The following GRIA1 variants were observed in gnomAD, a reference collection of about 807,000 sequenced individuals.
GRIA1 encodes the protein glutamate receptor 1.
In GRIA1, 31 loss-of-function variants were observed where a neutral mutation model predicts 99.2. The observed-to-expected ratio is 0.31, with a 90% CI of 0.23 to 0.42. The LOEUF (loss-of-function observed/expected upper bound fraction) is 0.42. Ranked by LOEUF, GRIA1 falls within the 10% of genes least tolerant of loss-of-function variation. GRIA1 has a pLI of 1.00. For missense variants in GRIA1, 782 were observed against 1,157.5 expected (o/e 0.68, Z 4.71); for synonymous variants, 438 against 432.4 (o/e 1.01, Z -0.16).
At chr5:153,697,161 T>G (rs1396215742) in intron 8 of GRIA1, among the ~76,000 whole-genome samples, 1 of 152,220 alleles carries the variant, frequency 6.6e-6, no homozygotes, top group Non-Finnish European at 1.5e-5. Context: ...ATTCCTCCTG[T>G]TGCATTTTTC....
chr5:153,736,477 C>G (rs1761386861), intron 11 of GRIA1, among the ~76,000 whole-genome samples: 1 of 152,114 alleles, frequency 6.6e-6, no homozygotes, highest in Non-Finnish European at 1.5e-5. Context: ...TGCTTATAAG[C>G]AAGATGTGAT....
chr5:153,559,794 A>G (rs1315168534), intron 2 of GRIA1, among the ~76,000 whole-genome samples: 2 of 152,170 alleles, frequency 1.3e-5, no homozygotes, highest in Non-Finnish European at 2.9e-5. Context: ...ACATCATTAC[A>G]TGGTACATGA....
At chr5:153,706,214 G>T (rs1316356242) in intron 11 of GRIA1, 147 bp downstream of exon 11, 1 of 763,840 alleles carries the variant, frequency 1.3e-6, no homozygotes, top group African/African-American at 1.7e-5. Flanking sequence ...ACAATCAACT[G>T]TCCATTGCAC....
At chr5:153,574,073 G>GCCCAGTT (rs749098006) in intron 2 of GRIA1, among the ~76,000 whole-genome samples, 20 of 152,174 alleles carry the variant, frequency 1.3e-4, no homozygotes, top group Non-Finnish European at 2.1e-4. Flanking sequence ...GCAACACAGT[G>GCCCAGTT]ATAAGTAACT....
chr5:153,496,036 G>C (rs1754384630), intron 2 of GRIA1, among the ~76,000 whole-genome samples: 1 of 152,204 alleles, frequency 6.6e-6, no homozygotes, highest in Non-Finnish European at 1.5e-5. Flanking sequence ...ATCTACAGCA[G>C]GTTTTGGTTG....
intron 2 of GRIA1, among the ~76,000 whole-genome samples, chr5:153,631,119 G>C (rs1320987132): frequency 1.3e-5 from 2 of 152,206 alleles, no homozygotes; most frequent in Non-Finnish European, 2.9e-5. Context: ...TTGTGCATTA[G>C]ATAGATATGC....
At chr5:153,606,045 C>A (rs1465148502) in intron 2 of GRIA1, among the ~76,000 whole-genome samples, 6 of 152,114 alleles carry the variant, frequency 3.9e-5, no homozygotes, top group Non-Finnish European at 8.8e-5. Flanking sequence ...ATATATTCTT[C>A]TATATTAACT....
chr5:153,538,782 G>T (rs931095713), intron 2 of GRIA1, among the ~76,000 whole-genome samples: 2 of 152,142 alleles, frequency 1.3e-5, no homozygotes, highest in African/African-American at 2.4e-5. Flanking sequence ...TAGAGGCCAT[G>T]TTCAGTTTCC....
intron 2 of GRIA1, among the ~76,000 whole-genome samples, chr5:153,510,333 A>G (rs1755940634): frequency 6.6e-6 from 1 of 152,080 alleles, no homozygotes; most frequent in Non-Finnish European, 1.5e-5. Context: ...TTTTTTGGTA[A>G]CATTTGTAAT....
intron 8 of GRIA1, among the ~76,000 whole-genome samples, chr5:153,691,728 C>G (rs1001298575): frequency 6.6e-6 from 1 of 152,116 alleles, no homozygotes; most frequent in African/African-American, 2.4e-5. Context: ...TAGCCTAAAC[C>G]TCACCACCTC....
chr5:153,746,885 G>T (rs373486294), intron 11 of GRIA1, among the ~76,000 whole-genome samples: 4 of 152,156 alleles, frequency 2.6e-5, no homozygotes, highest in Non-Finnish European at 4.4e-5. Flanking sequence ...GGTAAATCTC[G>T]AGAAAGGAGG....
intron 15 of GRIA1, among the ~76,000 whole-genome samples, chr5:153,804,043 G>T (rs543497430): frequency 1.3e-5 from 2 of 151,862 alleles, no homozygotes; most frequent in South Asian, 4.2e-4. Context: ...CCATACTTTC[G>T]CCCCCACCTC....
chr5:153,770,050 T>A, intron 12 of GRIA1, 118 bp from the exon 13 acceptor site: 2 of 1,020,516 alleles, frequency 2.0e-6, no homozygotes, highest in South Asian at 3.0e-5. Context: ...ATTTGTTTCT[T>A]CCTGAGCTAA....
At position 153,708,027 on chromosome 5, in the gene GRIA1, C is replaced by T. The variant is rs1581511271; in HGVS notation, c.1823+1960C>T. Reference sequence around the variant, plus strand: ...CAACATGCAGGTGTCAGAGAAGACCCATGAACTTGTTTTTTCTCCTTTATT... The same window carrying T: ...CAACATGCAGGTGTCAGAGAAGACCTATGAACTTGTTTTTTCTCCTTTATT... On this transcript the variant is annotated intron_variant, in intron 11 of 15. Coordinates refer to ENST00000285900, the MANE Select transcript of GRIA1 (RefSeq NM_000827.4). Among the ~76,000 whole-genome samples, 14 of 152,132 alleles carry T rather than the reference C, an allele frequency of 9.2e-5. 1 individual carries two copies. Among genetic ancestry groups the T allele is most frequent in the Admixed American group, 8.5e-4 (13 of 15,274 alleles).
At chr5:153,613,028 C>T (rs1214773677) in intron 2 of GRIA1, among the ~76,000 whole-genome samples, 1 of 152,150 alleles carries the variant, frequency 6.6e-6, no homozygotes, top group East Asian at 1.9e-4. Context: ...GCAAGAAGTG[C>T]TCAAGTTCCT....
intron 13 of GRIA1, among the ~76,000 whole-genome samples, chr5:153,773,918 G>A (rs1250945436): frequency 1.3e-5 from 2 of 152,054 alleles, no homozygotes; most frequent in Non-Finnish European, 2.9e-5. Flanking sequence ...GCCTAGGAAA[G>A]TTCCTCTACC....
rs1216488050 is a variant in GRIA1, at chr5:153,619,243, T to C, written c.221-27685T>C. On this transcript the variant is annotated intron_variant, in intron 2 of 15. Transcript: ENST00000285900. Reference sequence around the variant, plus strand: ...CACAATGATGGGGCCATGTCTCCTATGAGTTATTATACAAAATGGACACTG... The same window carrying C: ...CACAATGATGGGGCCATGTCTCCTACGAGTTATTATACAAAATGGACACTG... Among the ~76,000 whole-genome samples, 3 of 152,204 alleles carry C rather than the reference T, an allele frequency of 2.0e-5. No individual in the cohort carries two copies. The East Asian group carries it at 5.8e-4, about 29-fold the overall frequency.
intron 2 of GRIA1, among the ~76,000 whole-genome samples, chr5:153,522,640 C>A (rs947908920): frequency 5.3e-5 from 8 of 152,258 alleles, no homozygotes; most frequent in Non-Finnish European, 1.2e-4. Context: ...GAGGGACCAT[C>A]CTAACATGAT....
At chr5:153,751,126 A>C (rs1467907823) in intron 11 of GRIA1, among the ~76,000 whole-genome samples, 1 of 152,220 alleles carries the variant, frequency 6.6e-6, no homozygotes, top group African/African-American at 2.4e-5. Context: ...AAGTAAGCAC[A>C]AAGAGATGTA....
Sources: allele counts gnomAD v4.1 joint callset (sites outside exome capture counted in the v4.1 genomes callset), GRCh38; gene constraint gnomAD v4.1.1; transcripts MANE v1.5; gene names NCBI Gene and HGNC (gene_info 2026-07-23, HGNC 2026-07-21).